The following WDR7 variants were observed in gnomAD, a reference collection of about 807,000 sequenced individuals.
WDR7 encodes WD repeat domain 7.
Under a neutral mutation model 169.4 loss-of-function variants are expected in WDR7, and 46 were observed. The ratio of observed to expected loss-of-function variants is 0.27; its 90% CI spans 0.21 to 0.35. WDR7 has a LOEUF of 0.35. Ranked by LOEUF, WDR7 falls within the 10% of genes least tolerant of loss-of-function variation. The pLI is 1.00. For missense variants in WDR7, 1,534 were observed against 1,859.3 expected (o/e 0.83, Z 3.22); for synonymous variants, 612 against 666.8 (o/e 0.92, Z 1.27).
At chr18:56,748,998 A>G (rs1441319041) in intron 14 of WDR7, among the ~76,000 whole-genome samples, 2 of 151,986 alleles carry the variant, frequency 1.3e-5, no homozygotes, top group East Asian at 3.8e-4. Flanking sequence ...TTTAATATTG[A>G]AACATTAATA....
intron 1 of WDR7, among the ~76,000 whole-genome samples, chr18:56,671,284 G>A (rs1357898019): frequency 7.5e-6 from 1 of 133,252 alleles, no homozygotes; most frequent in Non-Finnish European, 1.6e-5. Flanking sequence ...TTCACACTGA[G>A]CAAAGTGTTT....
At chr18:56,759,386 T>C (rs1321793297) in intron 16 of WDR7, among the ~76,000 whole-genome samples, 1 of 152,186 alleles carries the variant, frequency 6.6e-6, no homozygotes, top group Non-Finnish European at 1.5e-5. Flanking sequence ...TAAGCTATTC[T>C]TTTTATCTTT....
rs2044961934 is a variant in WDR7, at chr18:56,816,013, G to A, written c.3191-18G>A. The A allele has an allele frequency of 6.4e-7, 1 of 1,559,946 alleles. No individual in the cohort carries two copies. The highest frequency in any genetic ancestry group is 1.4e-5 in the African/African-American group (1 of 72,330). ...TTCATTTTTTGAAGTGAAGCCTTGT[G>A]ATTCATATTTGTTTTAGCTGGAGTC... On this transcript the variant is annotated intron_variant, in intron 19 of 27. Transcript: ENST00000254442.
At chr18:56,924,464 C>T (rs942356972) in intron 22 of WDR7, among the ~76,000 whole-genome samples, 6 of 152,078 alleles carry the variant, frequency 3.9e-5, no homozygotes, top group African/African-American at 9.7e-5. Flanking sequence ...GGCCAGCATA[C>T]GTGGCCAAAT....
chr18:56,974,631 C>T (rs2047540071), intron 26 of WDR7, among the ~76,000 whole-genome samples: 1 of 152,102 alleles, frequency 6.6e-6, no homozygotes, highest in South Asian at 2.1e-4. Context: ...GTGCTAGGCA[C>T]CAGTTAGGAT....
rs888311436 is a variant in WDR7, at chr18:56,852,266, C to T, written c.3305-27678C>T. Among the ~76,000 whole-genome samples, 10 of 152,178 alleles carry T rather than the reference C, an allele frequency of 6.6e-5. No individual in the cohort carries two copies. In the South Asian group the frequency reaches 8.3e-4, roughly 13 times the overall value. On this transcript the variant is annotated intron_variant, in intron 20 of 27. Coordinates refer to ENST00000254442, the MANE Select transcript of WDR7 (RefSeq NM_015285.3). ...GTGCAGAAATTCACTGAGTTTTGTC[C>T]GGGGGCTCAGTTGTTGAGAAAGGAA...
Position 56,682,801 on chromosome 18 carries a change from A to G in WDR7, c.468A>G (p.Ile156Met). ...LEVLYSLVSK[I>M]SPDWISSMSI... ...TATTATACTCCTTAGTATCAAAGAT[A>G]TCACCAGACTGGATTAGCTCCATGA... The change falls in exon 5 of 28, where the codon ATA becomes ATG. Residue 156 changes from isoleucine (I) to methionine (M), a missense_variant. Transcript: ENST00000254442. 1 of 1,613,858 alleles carries G rather than the reference A, an allele frequency of 6.2e-7. No homozygotes were observed. Among genetic ancestry groups the G allele is most frequent in the Non-Finnish European group, 8.5e-7 (1 of 1,179,792 alleles).
intron 14 of WDR7, among the ~76,000 whole-genome samples, chr18:56,747,436 C>G (rs535309021): frequency 4.5e-4 from 68 of 152,294 alleles, no homozygotes; most frequent in African/African-American, 1.6e-3. Context: ...TGCATTCATT[C>G]AGCACATATT....
intron 22 of WDR7, among the ~76,000 whole-genome samples, chr18:56,927,282 C>T (rs544319361): frequency 6.6e-6 from 1 of 152,094 alleles, no homozygotes; most frequent in East Asian, 1.9e-4. Flanking sequence ...TAAGAGGTCT[C>T]CTAAAACACT....
intron 26 of WDR7, among the ~76,000 whole-genome samples, chr18:57,005,964 G>A (rs1490730279): frequency 6.6e-6 from 1 of 152,134 alleles, no homozygotes; most frequent in Non-Finnish European, 1.5e-5. Context: ...AATTATTTTT[G>A]CTAATGCAAA....
intron 21 of WDR7, among the ~76,000 whole-genome samples, chr18:56,881,785 C>T (rs903377408): frequency 6.6e-6 from 1 of 151,982 alleles, no homozygotes; most frequent in Non-Finnish European, 1.5e-5. Context: ...GGGGTTTCCC[C>T]ATGTTGGCCA....
rs770047977 is a variant in WDR7, at chr18:56,822,638, TA to T, written c.3304+6496del. ...CGCACCCTCTGCCTTTCTCATTCTT[TA>T]ACTGATATTTAACAGCCTAAAAAGT... On this transcript the variant is annotated intron_variant, in intron 20 of 27. Transcript: ENST00000254442. Among the ~76,000 whole-genome samples the T allele has an allele frequency of 5.0e-4, 76 of 152,220 alleles. 1 individual carries two copies. The highest frequency in any genetic ancestry group is 1.8e-4 in the Non-Finnish European group (12 of 68,032).
intron 20 of WDR7, among the ~76,000 whole-genome samples, chr18:56,877,710 T>A (rs1215615511): frequency 2.6e-5 from 4 of 152,224 alleles, no homozygotes. Context: ...TTACCCCAGA[T>A]ATGGAAGCAT....
chr18:56,995,731 C>A (rs543261606), intron 26 of WDR7, among the ~76,000 whole-genome samples: 23 of 152,182 alleles, frequency 1.5e-4, no homozygotes, highest in Non-Finnish European at 2.9e-4. Flanking sequence ...CAGGGATCCT[C>A]CCTGTTTCTG....
chr18:56,687,799 G>T (rs958980337), intron 7 of WDR7, among the ~76,000 whole-genome samples: 1 of 152,040 alleles, frequency 6.6e-6, no homozygotes, highest in Non-Finnish European at 1.5e-5. Flanking sequence ...GCTAATTTTA[G>T]AATTTTTTTG....
In WDR7 at chr18:56,861,032, A is replaced by G. The variant is rs551767297; in HGVS notation, c.3305-18912A>G. Among the ~76,000 whole-genome samples, 31 of 152,268 alleles carry G rather than the reference A, an allele frequency of 2.0e-4. No homozygotes were observed. The South Asian group carries it at 6.2e-3, about 31-fold the overall frequency. On this transcript the variant is annotated intron_variant, in intron 20 of 27. Transcript: ENST00000254442. The stretch of plus-strand genomic sequence containing the variant: ...AACTGTTTTGCTTTCTATTTCACAA[A>G]TGTTTTACATTAAAAAATCTGCTTT...
At chr18:56,973,080 C>T (rs1286763263) in intron 26 of WDR7, among the ~76,000 whole-genome samples, 2 of 152,168 alleles carry the variant, frequency 1.3e-5, no homozygotes, top group Non-Finnish European at 2.9e-5. Context: ...GTTGGCCAGG[C>T]TGGTCTCAAA....
At chr18:56,681,616 T>C (rs550941596) in intron 4 of WDR7, among the ~76,000 whole-genome samples, 11 of 152,290 alleles carry the variant, frequency 7.2e-5, no homozygotes, top group African/African-American at 2.6e-4. Context: ...GGCAAGCAAA[T>C]TGCTGCTGCT....
intron 19 of WDR7, among the ~76,000 whole-genome samples, chr18:56,815,523 A>C (rs1016741086): frequency 2.0e-5 from 3 of 152,158 alleles, no homozygotes; most frequent in African/African-American, 7.2e-5. Flanking sequence ...CCTTATATCG[A>C]ATTCCTTCAT....
Sources: allele counts gnomAD v4.1 joint callset (sites outside exome capture counted in the v4.1 genomes callset), GRCh38; gene constraint gnomAD v4.1.1; transcripts MANE v1.5; gene names NCBI Gene and HGNC (gene_info 2026-07-23, HGNC 2026-07-21).